The following PTRH1 variants were observed in gnomAD, a reference collection of about 807,000 sequenced individuals.
The protein encoded by PTRH1 is peptidyl-tRNA hydrolase.
In PTRH1, 13 loss-of-function variants were observed where a neutral mutation model predicts 15.7. That is an observed-to-expected ratio of 0.83 (90% CI 0.54 to 1.31). The LOEUF is 1.31. Among genes scored for constraint, PTRH1 ranks in the 40% most tolerant of loss-of-function variants. PTRH1 has a pLI of 0.00. For missense variants in PTRH1, 319 were observed against 296.2 expected (o/e 1.08, Z -0.56); for synonymous variants, 139 against 136.7 (o/e 1.02, Z -0.12).
intron 2 of PTRH1, 28 bp downstream of exon 2, chr9:127,714,947 C>A: frequency 2.5e-6 from 1 of 392,430 alleles, no homozygotes; most frequent in Non-Finnish European, 4.8e-6. Flanking sequence ...CTTGGCCCGC[C>A]CGCCCACCCC....
intron 2 of PTRH1, 51 bp downstream of exon 2, chr9:127,714,924 C>CCCACCCCCCCCCCCA: frequency 3.6e-6 from 3 of 828,386 alleles, no homozygotes; most frequent in African/African-American, 1.7e-5. Context: ...CCCCGCGCCC[C>CCCACCCCCCCCCCCA]AACCCCCACC....
At chr9:127,700,360 G>A (rs912006888) in intron 1 of PTRH1, among the ~76,000 whole-genome samples, 1 of 152,160 alleles carries the variant, frequency 6.6e-6, no homozygotes, top group African/African-American at 2.4e-5. Flanking sequence ...CCTCCATGAT[G>A]GGGGCTGTTC....
In PTRH1 at chr9:127,715,254, C is replaced by A. The variant is rs1408011335; in HGVS notation, c.97-60G>T. ...ACTCTCGCCACCCCCGATCTCACAG[C>A]GTCCCGTGGGCCCCAACGCAGAGGA... On this transcript the variant is annotated intron_variant, in intron 1 of 4. Coordinates refer to ENST00000543175, the MANE Select transcript of PTRH1 (RefSeq NM_001002913.3). This position sits in a 1 kb window ranked among gnomAD's most constrained non-coding sequence, Gnocchi z 5.8. 1.3e-6 allele frequency: 2 copies of A among 1,490,540 alleles called. No homozygotes were observed. The highest frequency in any genetic ancestry group is 1.8e-6 in the Non-Finnish European group (2 of 1,106,020). The allele number at this position is 1,490,540 out of a possible 1,614,324, so 92.3% of individuals were successfully genotyped here. A position where few individuals can be genotyped will look rare whatever the true frequency, so the allele number is the denominator to read the frequency against.
Position 127,714,416 on chromosome 9 carries a change from T to C in PTRH1, c.425A>G (p.Asn142Ser), listed in dbSNP as rs368234898. ...GCAGCTAATGCAGGAACGGACTCCATTGTGGCCCCTTCAAGGGATATGGGA... is the reference window on the plus strand; with the variant it reads ...GCAGCTAATGCAGGAACGGACTCCACTGTGGCCCCTTCAAGGGATATGGGA... ...LKLGGSARGHNGVRSCISCLN... is the reference protein window; with the variant it reads ...LKLGGSARGHSGVRSCISCLN... The change falls in exon 4 of 5, where the codon AAT becomes AGT. Residue 142 changes from asparagine (N) to serine (S), a missense_variant. Transcript: ENST00000543175. 94 of 1,614,054 alleles carry C rather than the reference T, an allele frequency of 5.8e-5. No individual in the cohort carries two copies. Among genetic ancestry groups the C allele is most frequent in the Middle Eastern group, 1.6e-4 (1 of 6,084 alleles).
At chr9:127,710,268 G>A (rs1223228009), downstream of PTRH1, among the ~76,000 whole-genome samples, 2 of 148,532 alleles carry the variant, frequency 1.3e-5, no homozygotes, top group African/African-American at 2.5e-5. Flanking sequence ...GAGTGACAGA[G>A]GAAGACCCTG....
rs774384875 is a variant in PTRH1, at chr9:127,715,042, A to G, written c.249T>C (p.Asp83=). 18 of 1,523,250 alleles carry G rather than the reference A, an allele frequency of 1.2e-5. No individual in the cohort carries two copies. In the East Asian group the frequency reaches 4.4e-4, roughly 38 times the overall value. The allele number at this position is 1,523,250 out of a possible 1,614,324, so 94.4% of individuals were successfully genotyped here. A position where few individuals can be genotyped will look rare whatever the true frequency, so the allele number is the denominator to read the frequency against. Reference sequence around the variant, plus strand: ...GTGGCCGGAGCAGGACCAGTTGGGCATCCCCCAGCGGGGCCAGGGCGAGGT... The same window carrying G: ...GTGGCCGGAGCAGGACCAGTTGGGCGTCCCCCAGCGGGGCCAGGGCGAGGT... The part of the protein sequence containing the change: ...AADLALAPLG[D]AQLVLLRPRR... The change falls in exon 2 of 5, where the codon GAT becomes GAC. Residue 83 remains aspartate, a synonymous_variant. Coordinates refer to ENST00000543175, the MANE Select transcript of PTRH1 (RefSeq NM_001002913.3). The surrounding 1 kb of genome is among the most constrained non-coding windows in gnomAD (Gnocchi z 5.8).
At chr9:127,711,724 T>C, downstream of PTRH1, 1 of 1,388,652 alleles carries the variant, frequency 7.2e-7, no homozygotes, top group Admixed American at 2.3e-5. Context: ...GAGAGCTCAC[T>C]GGCCGCTCTG....
downstream of PTRH1, chr9:127,709,321 C>A (rs1842710557): frequency 2.8e-5 from 35 of 1,257,218 alleles, no homozygotes; most frequent in Non-Finnish European, 3.7e-5. The surrounding 1 kb of genome is among the most constrained non-coding windows in gnomAD (Gnocchi z 4.7). Flanking sequence ...AACTCAAATG[C>A]CCCTTTACGG....
downstream of PTRH1, chr9:127,712,420 G>T: frequency 6.3e-7 from 1 of 1,576,646 alleles, no homozygotes; most frequent in Non-Finnish European, 8.6e-7. Flanking sequence ...TGCTTGCAGA[G>T]AAGGGGCTGC....
At chr9:127,712,875 G>A (rs1157748763), downstream of PTRH1, 4 of 1,609,304 alleles carry the variant, frequency 2.5e-6, no homozygotes, top group East Asian at 2.2e-5. Context: ...CCCAAGGAGA[G>A]GTAAGCAAGT....
chr9:127,695,248 TA>T, intron 1 of PTRH1: 1 of 600,906 alleles, frequency 1.7e-6, no homozygotes, highest in Non-Finnish European at 3.0e-6. Context: ...TTAAAGCAGT[TA>T]AAAATGCATG....
At chr9:127,714,346 C>T (rs771263623) in intron 4 of PTRH1, 33 bp downstream of exon 4, 44 of 1,614,030 alleles carry the variant, frequency 2.7e-5, no homozygotes, top group Non-Finnish European at 3.4e-5. Context: ...CTGGCCCACC[C>T]GACCCAGTTG....
downstream of PTRH1, chr9:127,709,320 G>T: frequency 8.1e-7 from 1 of 1,241,574 alleles, no homozygotes; most frequent in South Asian, 1.5e-5. This position sits in a 1 kb window ranked among gnomAD's most constrained non-coding sequence, Gnocchi z 4.7. Context: ...AAACTCAAAT[G>T]CCCCTTTACG....
chr9:127,713,424 C>T, downstream of PTRH1: 1 of 454,066 alleles, frequency 2.2e-6, no homozygotes. Context: ...GGACCCTGTT[C>T]TTCCCTCCCC....
chr9:127,699,674 GAT>G (rs1842589696), intron 1 of PTRH1, among the ~76,000 whole-genome samples: 2 of 151,908 alleles, frequency 1.3e-5, no homozygotes, highest in African/African-American at 2.4e-5. Context: ...CCTAAAGTAG[GAT>G]GAAAGACTGT....
rs555457079 is a variant in PTRH1, at chr9:127,715,583, T to A, written c.57A>T (p.Arg19=). 6.2e-7 allele frequency: 1 copy of A among 1,613,322 alleles called. No individual in the cohort carries two copies. Among genetic ancestry groups the A allele is most frequent in the East Asian group, 2.2e-5 (1 of 44,864 alleles). The change falls in exon 1 of 5, where the codon CGA becomes CGT. Residue 19 remains arginine (R), a synonymous_variant. Coordinates refer to ENST00000543175, the MANE Select transcript of PTRH1 (RefSeq NM_001002913.3). This position sits in a 1 kb window ranked among gnomAD's most constrained non-coding sequence, Gnocchi z 5.8. The part of the protein sequence containing the change: ...AGQRLSRAMS[R]CVLEPRPPGK... Reference sequence around the variant, plus strand: ...CCGGGGGGCGAGGCTCCAAAACACATCGGCTCATGGCTCTACTCAGCCGCT... The same window carrying A: ...CCGGGGGGCGAGGCTCCAAAACACAACGGCTCATGGCTCTACTCAGCCGCT...
chr9:127,704,505 C>CAAAAAAAAAAAAA (rs374789277), intron 1 of PTRH1, among the ~76,000 whole-genome samples: 1 of 50,448 alleles, frequency 2.0e-5, no homozygotes, highest in African/African-American at 6.8e-5. Context: ...GACACTGTCT[C>CAAAAAAAAAAAAA]AAAAAAAAAA....
downstream of PTRH1, chr9:127,709,270 G>C (rs922248546): frequency 2.7e-6 from 2 of 735,056 alleles, no homozygotes; most frequent in Admixed American, 5.7e-5. This position sits in a 1 kb window ranked among gnomAD's most constrained non-coding sequence, Gnocchi z 4.7. Context: ...GTCGGACCAA[G>C]GGGCATAGTG....
rs1280235869 is a variant in PTRH1 at position 127,715,013 on chromosome 9, C to T, written c.278G>A (p.Arg93Gln). The T allele has an allele frequency of 1.8e-5, 27 of 1,466,878 alleles. No individual in the cohort carries two copies. Among genetic ancestry groups the T allele is most frequent in the Middle Eastern group, 2.4e-4 (1 of 4,158 alleles). The allele number at this position is 1,466,878 out of a possible 1,614,324, so 90.9% of individuals were successfully genotyped here. A position where few individuals can be genotyped will look rare whatever the true frequency, so the allele number is the denominator to read the frequency against. The change falls in exon 2 of 5, where the codon CGG becomes CAG. Residue 93 changes from arginine (R) to glutamine (Q), a missense_variant. Coordinates refer to ENST00000543175, the MANE Select transcript of PTRH1 (RefSeq NM_001002913.3). This position sits in a 1 kb window ranked among gnomAD's most constrained non-coding sequence, Gnocchi z 5.8. ...DAQLVLLRPR[R>Q]LMNANGRSVA... ...GCTGCGCCCGTTGGCGTTCATAAGCCGCCGTGGCCGGAGCAGGACCAGTTG... is the reference window on the plus strand; with the variant it reads ...GCTGCGCCCGTTGGCGTTCATAAGCTGCCGTGGCCGGAGCAGGACCAGTTG...
Sources: gnomAD v4.1 joint callset for allele counts (sites outside exome capture counted in the v4.1 genomes callset) on GRCh38, gnomAD v4.1.1 for gene constraint, Gnocchi (gnomAD v3.1) non-coding constraint, MANE v1.5 for transcripts, NCBI Gene and HGNC (gene_info 2026-07-23, HGNC 2026-07-21) for gene names.